Variants in SESTD1 observed in about 807,000 individuals in gnomAD.
SESTD1 encodes SEC14 domain and spectrin repeat-containing protein 1.
In SESTD1, 43 loss-of-function variants were observed where a neutral mutation model predicts 101.7. That is an observed-to-expected ratio of 0.42 (90% confidence interval 0.33 to 0.55). SESTD1 has a LOEUF of 0.55. SESTD1 is among the 20% of genes least tolerant of loss of function. The pLI is 0.07. For synonymous variants in SESTD1, 283 were observed against 286.8 expected (o/e 0.99, Z 0.13); for missense variants, 647 against 815.1 (o/e 0.79, Z 2.51).
chr2:179,133,814 A>T (rs1302316414), intron 9 of SESTD1, among the ~76,000 whole-genome samples: 2 of 152,214 alleles, frequency 1.3e-5, no homozygotes, highest in African/African-American at 2.4e-5. Flanking sequence ...CACATCATAA[A>T]GAAAAATCAC....
chr2:179,223,298 G>A (rs968092363), intron 1 of SESTD1, among the ~76,000 whole-genome samples: 26 of 152,242 alleles, frequency 1.7e-4, no homozygotes, highest in African/African-American at 6.3e-4. Context: ...GAGAGTGACT[G>A]GTAATAGACA....
chr2:179,173,110 A>G (rs927870837), intron 4 of SESTD1, among the ~76,000 whole-genome samples: 1 of 152,126 alleles, frequency 6.6e-6, no homozygotes, highest in African/African-American at 2.4e-5. Flanking sequence ...TGCAATATGA[A>G]AAGTCTGTTC....
intron 5 of SESTD1, among the ~76,000 whole-genome samples, chr2:179,159,863 A>C (rs2045701926): frequency 6.6e-6 from 1 of 152,154 alleles, no homozygotes; most frequent in South Asian, 2.1e-4. Flanking sequence ...CATAATGAAA[A>C]AAAATTTTTT....
intron 9 of SESTD1, among the ~76,000 whole-genome samples, chr2:179,132,771 C>T (rs1419389567): frequency 6.6e-6 from 1 of 152,114 alleles, no homozygotes; most frequent in Non-Finnish European, 1.5e-5. Flanking sequence ...TTGGAAGAAA[C>T]ATCAGAAATG....
At chr2:179,110,623 C>T (rs778501818) in intron 17 of SESTD1, among the ~76,000 whole-genome samples, 1 of 151,690 alleles carries the variant, frequency 6.6e-6, no homozygotes, top group Admixed American at 6.6e-5. Context: ...GCAAGGTCAC[C>T]CAGGGAAAAA....
intron 1 of SESTD1, among the ~76,000 whole-genome samples, chr2:179,232,479 A>G (rs551198387): frequency 7.2e-5 from 11 of 152,218 alleles, no homozygotes; most frequent in South Asian, 4.1e-4. Flanking sequence ...TCCAGAAAAA[A>G]AAGAGAAAGC....
At chr2:179,263,967 C>T (rs1412245542) in intron 1 of SESTD1, 1 of 152,276 alleles carries the variant, frequency 6.6e-6, no homozygotes, top group Non-Finnish European at 1.5e-5. Context: ...AGCCCGTGTC[C>T]TCCACCCACC....
chr2:179,188,925 T>C (rs187011098), intron 2 of SESTD1, among the ~76,000 whole-genome samples: 38 of 152,190 alleles, frequency 2.5e-4, no homozygotes, highest in Admixed American at 1.8e-3. Flanking sequence ...TAAAACTGAA[T>C]TGGTAATTTA....
At chr2:179,218,756 C>A (rs1462450416) in intron 1 of SESTD1, among the ~76,000 whole-genome samples, 1 of 152,082 alleles carries the variant, frequency 6.6e-6, no homozygotes, top group East Asian at 1.9e-4. Context: ...ATAAAGGCAA[C>A]CAAGGTGTAT....
intron 9 of SESTD1, among the ~76,000 whole-genome samples, chr2:179,135,514 G>A (rs1433557206): frequency 1.3e-5 from 2 of 152,152 alleles, no homozygotes; most frequent in African/African-American, 2.4e-5. Flanking sequence ...AGCACTTTGG[G>A]AGGCTGAGGT....
At chr2:179,167,688 C>T (rs972656248) in intron 5 of SESTD1, among the ~76,000 whole-genome samples, 9 of 152,154 alleles carry the variant, frequency 5.9e-5, no homozygotes, top group East Asian at 1.9e-4. Context: ...TAAATAACAG[C>T]GGCCTTCTTG....
intron 1 of SESTD1, among the ~76,000 whole-genome samples, chr2:179,222,822 C>T (rs2046832884): frequency 6.6e-6 from 1 of 152,114 alleles, no homozygotes. Context: ...AAGAAAGTAG[C>T]CTGTGAAACC....
rs2044370535 is a variant in SESTD1 at position 179,105,808 on chromosome 2, C to A, written c.*4091G>T. ...ATTTTTTTAACAGTAAATGGCAAAG[C>A]CAGATTTTTGAAGCCAAGTATTCAA... On this transcript the variant is annotated 3_prime_UTR_variant, in exon 18 of 18. Coordinates refer to ENST00000428443, the MANE Select transcript of SESTD1 (RefSeq NM_178123.5). 1 of 152,096 alleles carries A rather than the reference C, an allele frequency of 6.6e-6. No homozygotes were observed. Among genetic ancestry groups the A allele is most frequent in the South Asian group, 2.1e-4 (1 of 4,816 alleles). The allele number at this position is 152,096 out of a possible 1,614,324, so 9.4% of individuals were successfully genotyped here.
intron 9 of SESTD1, among the ~76,000 whole-genome samples, chr2:179,141,324 C>T (rs144570210): frequency 3.3e-5 from 5 of 152,252 alleles, no homozygotes; most frequent in East Asian, 3.9e-4. Flanking sequence ...AAATATGATT[C>T]GTCTCTAATA....
At chr2:179,116,645 A>G (rs1467061490) in intron 15 of SESTD1, 23 bp downstream of exon 15, 5 of 1,613,900 alleles carry the variant, frequency 3.1e-6, no homozygotes, top group Non-Finnish European at 2.5e-6. Flanking sequence ...GCTTGTGGAA[A>G]AGGAAGATAA....
chr2:179,119,727 A>G (rs554617111), intron 13 of SESTD1, among the ~76,000 whole-genome samples: 19 of 152,144 alleles, frequency 1.2e-4, no homozygotes, highest in Non-Finnish European at 2.6e-4. Context: ...TGCTGTTTTC[A>G]TGTCAGTAAG....
At chr2:179,227,737 G>A (rs1215219328) in intron 1 of SESTD1, among the ~76,000 whole-genome samples, 1 of 152,098 alleles carries the variant, frequency 6.6e-6, no homozygotes, top group Non-Finnish European at 1.5e-5. Context: ...AATGACTTCT[G>A]CACTGCCTGT....
chr2:179,201,918 TATAATA>T (rs147660848), intron 1 of SESTD1, among the ~76,000 whole-genome samples: 1,067 of 103,200 alleles, frequency 0.01, 192 homozygotes, highest in Middle Eastern at 0.027. Flanking sequence ...AAACTTAAAG[TATAATA>T]ATAATAATAA....
chr2:179,254,029 G>A (rs1476052674), intron 1 of SESTD1, among the ~76,000 whole-genome samples: 4 of 152,048 alleles, frequency 2.6e-5, no homozygotes, highest in African/African-American at 9.7e-5. Context: ...GAGCCCAGAA[G>A]GTTGAGGCTG....
Sources: allele counts gnomAD v4.1 joint callset (sites outside exome capture counted in the v4.1 genomes callset), GRCh38; gene constraint gnomAD v4.1.1; transcripts MANE v1.5; gene names NCBI Gene and HGNC (gene_info 2026-07-23, HGNC 2026-07-21).